Variants in NKAIN3 observed in about 807,000 individuals in gnomAD.
NKAIN3 encodes sodium/potassium transporting ATPase interacting 3, also known as sodium/potassium-transporting ATPase subunit beta-1-interacting protein 3.
Under a neutral mutation model 30.2 loss-of-function variants are expected in NKAIN3, and 25 were observed. The observed-to-expected ratio is 0.83, with a 90% CI of 0.60 to 1.16. The LOEUF (loss-of-function observed/expected upper bound fraction) is 1.16, where lower values mean the gene tolerates loss of function less well. NKAIN3 is among the 50% of genes most tolerant of loss of function. The probability of loss-of-function intolerance (pLI) is 0.00; values close to 1 mark genes in which losing one functional copy is unlikely to be tolerated. For synonymous variants in NKAIN3, 91 were observed against 89.6 expected, an observed-to-expected ratio of 1.02 and a Z score of -0.09; for missense variants, 225 against 254.1, an observed-to-expected ratio of 0.89 and a Z score of 0.78.
intron 3 of NKAIN3, among the ~76,000 whole-genome samples, chr8:62,707,052 TACATACACACACAC>T (rs938364177): frequency 2.3e-4 from 23 of 99,166 alleles, no homozygotes; most frequent in African/African-American, 6.3e-4. Flanking sequence ...CCATCATACA[TACATACACACACAC>T]ACACACACAC....
At chr8:62,621,491 A>G (rs1016321563) in intron 3 of NKAIN3, among the ~76,000 whole-genome samples, 3 of 152,110 alleles carry the variant, frequency 2.0e-5, no homozygotes, top group East Asian at 1.9e-4. Context: ...AGCTCAGCAT[A>G]AATATAAATA....
At chr8:62,313,408 T>A (rs973181749) in intron 1 of NKAIN3, among the ~76,000 whole-genome samples, 3 of 152,148 alleles carry the variant, frequency 2.0e-5, no homozygotes, top group Non-Finnish European at 4.4e-5. Flanking sequence ...ATTCTGTTTT[T>A]TCTTCTTCCA....
intron 1 of NKAIN3, among the ~76,000 whole-genome samples, chr8:62,290,149 CGAT>C (rs1485239723): frequency 6.6e-6 from 1 of 152,070 alleles, no homozygotes; most frequent in East Asian, 1.9e-4. Flanking sequence ...TGGGCTGAGA[CGAT>C]GGGGTTTTCT....
At chr8:62,266,084 T>C (rs1056009582) in intron 1 of NKAIN3, among the ~76,000 whole-genome samples, 1 of 152,184 alleles carries the variant, frequency 6.6e-6, no homozygotes. Context: ...CTGTCCTATG[T>C]TTGGGTCCTA....
At chr8:62,729,757 C>T (rs1815408632) in intron 3 of NKAIN3, among the ~76,000 whole-genome samples, 1 of 152,156 alleles carries the variant, frequency 6.6e-6, no homozygotes, top group African/African-American at 2.4e-5. Flanking sequence ...TTTATTTCCA[C>T]TTCACATAGC....
chr8:62,435,921 T>A (rs1171860670), intron 1 of NKAIN3, among the ~76,000 whole-genome samples: 1 of 152,212 alleles, frequency 6.6e-6, no homozygotes, highest in East Asian at 1.9e-4. Flanking sequence ...AACATTTCTT[T>A]AGCCATTAAA....
chr8:62,954,552 A>G (rs1053368988), intron 6 of NKAIN3, among the ~76,000 whole-genome samples: 1 of 152,228 alleles, frequency 6.6e-6, no homozygotes, highest in Non-Finnish European at 1.5e-5. Context: ...GTCAGCAACA[A>G]CAAAACCACC....
intron 1 of NKAIN3, among the ~76,000 whole-genome samples, chr8:62,403,328 T>A (rs925206113): frequency 5.9e-5 from 9 of 152,224 alleles, no homozygotes; most frequent in African/African-American, 2.2e-4. Flanking sequence ...TACAGAAATC[T>A]GCATAAGTAA....
intron 1 of NKAIN3, among the ~76,000 whole-genome samples, chr8:62,376,043 TCA>T (rs1817071756): frequency 6.6e-6 from 1 of 152,184 alleles, no homozygotes; most frequent in Non-Finnish European, 1.5e-5. Context: ...TCATATGCAG[TCA>T]CTAATGAAAA....
chr8:62,961,352 C>A (rs974635190), intron 6 of NKAIN3, among the ~76,000 whole-genome samples: 1 of 151,922 alleles, frequency 6.6e-6, no homozygotes, highest in Non-Finnish European at 1.5e-5. Context: ...GTGCACAGCA[C>A]CACCTATAGA....
At chr8:62,587,894 C>A (rs1810528688) in intron 2 of NKAIN3, among the ~76,000 whole-genome samples, 1 of 151,922 alleles carries the variant, frequency 6.6e-6, no homozygotes, top group Admixed American at 6.6e-5. Flanking sequence ...CTTCAATCAC[C>A]AAGTTTGTGC....
intron 4 of NKAIN3, among the ~76,000 whole-genome samples, chr8:62,890,279 C>T (rs1052488244): frequency 6.6e-6 from 1 of 152,178 alleles, no homozygotes; most frequent in Admixed American, 6.5e-5. Flanking sequence ...AATAAGTATA[C>T]TCAATACCAA....
chr8:62,750,642 A>T (rs1188565143), intron 4 of NKAIN3, among the ~76,000 whole-genome samples: 1 of 152,140 alleles, frequency 6.6e-6, no homozygotes, highest in African/African-American at 2.4e-5. Context: ...TGAGAACGAC[A>T]GGGAGAGTGC....
chr8:62,381,204 T>C (rs1333045876), intron 1 of NKAIN3, among the ~76,000 whole-genome samples: 6 of 152,160 alleles, frequency 3.9e-5, no homozygotes, highest in Admixed American at 3.9e-4. Flanking sequence ...GCTTTTTCCT[T>C]CCCTTGTCAT....
chr8:62,352,336 A>G (rs1816205826), intron 1 of NKAIN3, among the ~76,000 whole-genome samples: 1 of 152,132 alleles, frequency 6.6e-6, no homozygotes, highest in Admixed American at 6.6e-5. Flanking sequence ...GAGAGAAGTG[A>G]CAACTCTCTT....
intron 3 of NKAIN3, among the ~76,000 whole-genome samples, chr8:62,699,354 T>G (rs1197071516): frequency 1.3e-5 from 2 of 152,206 alleles, no homozygotes; most frequent in African/African-American, 4.8e-5. Flanking sequence ...TTTGAGAATC[T>G]ATATTAAACT....
At chr8:62,896,583 A>G in intron 4 of NKAIN3, among the ~76,000 whole-genome samples, 1 of 152,122 alleles carries the variant, frequency 6.6e-6, no homozygotes, top group Non-Finnish European at 1.5e-5. Context: ...CTAATGCCCA[A>G]AAGACCATGC....
In NKAIN3 at chr8:62,824,006, G is replaced by A. The variant is rs144448669; in HGVS notation, c.471+76877G>A. On this transcript the variant is annotated intron_variant, in intron 4 of 6. Coordinates refer to ENST00000623646, the MANE Select transcript of NKAIN3 (RefSeq NM_001304533.3). ...AGGAAGTAGGATTAAGCAGAGGGGA[G>A]AACTGAACTGCTATGCAATCTTAAC... Among the ~76,000 whole-genome samples the A allele has an allele frequency of 6.7e-4, 102 of 152,286 alleles. 1 individual carries two copies. In the Middle Eastern group the frequency reaches 0.01, roughly 15 times the overall value.
At chr8:62,374,719 A>G (rs1389317270) in intron 1 of NKAIN3, among the ~76,000 whole-genome samples, 2 of 152,218 alleles carry the variant, frequency 1.3e-5, no homozygotes, top group African/African-American at 4.8e-5. Flanking sequence ...ATTGAAGTAA[A>G]TCTGACAAAG....
Sources: gnomAD v4.1 joint callset for allele counts (sites outside exome capture counted in the v4.1 genomes callset) on GRCh38, gnomAD v4.1.1 for gene constraint, MANE v1.5 for transcripts, NCBI Gene and HGNC (gene_info 2026-07-23, HGNC 2026-07-21) for gene names.